The following TRAF3 variants were observed in gnomAD, a reference collection of about 807,000 sequenced individuals.
TRAF3 encodes the protein TNF receptor-associated factor 3.
A neutral mutation model predicts 62.3 loss-of-function variants in TRAF3; 13 were observed. That is an observed-to-expected ratio of 0.21 (90% confidence interval 0.14 to 0.33). The LOEUF (loss-of-function observed/expected upper bound fraction) is 0.33, where lower values mean the gene tolerates loss of function less well. TRAF3 is among the 10% of genes least tolerant of loss of function. TRAF3 has a pLI of 1.00. For synonymous variants in TRAF3, 269 were observed against 283.4 expected (o/e 0.95, Z 0.51); for missense variants, 440 against 741.8 (o/e 0.59, Z 4.73).
At chr14:102,886,358 T>A in intron 7 of TRAF3, 89 bp downstream of exon 7, 1 of 1,178,472 alleles carries the variant, frequency 8.5e-7, no homozygotes, top group Non-Finnish European at 1.2e-6. Context: ...AAGCCTCACG[T>A]TTTCCCAGTT....
At chr14:102,829,767 C>G (rs1900552024) in intron 1 of TRAF3, among the ~76,000 whole-genome samples, 1 of 152,182 alleles carries the variant, frequency 6.6e-6, no homozygotes, top group South Asian at 2.1e-4. Context: ...AAATGTCAAG[C>G]TTGTGAAAAT....
intron 3 of TRAF3, among the ~76,000 whole-genome samples, chr14:102,871,411 C>A (rs1888335646): frequency 6.6e-6 from 1 of 152,224 alleles, no homozygotes. Flanking sequence ...CCAGGAGAAG[C>A]TTCCCGGTGG....
At position 102,906,812 on chromosome 14, in the gene TRAF3, G is replaced by A. The variant is rs1339924621; in HGVS notation, c.*1028G>A. On this transcript the variant is annotated 3_prime_UTR_variant, in exon 12 of 12. Coordinates refer to ENST00000392745, the MANE Select transcript of TRAF3 (RefSeq NM_145725.3). ...GGTGACTGCTGAGGGAGGCCCGCAG[G>A]TGTGTTTCTCCATCCCGTCATCTTG... 1 of 152,230 alleles carries A rather than the reference G, an allele frequency of 6.6e-6. No homozygotes were observed. Among genetic ancestry groups the A allele is most frequent in the Non-Finnish European group, 1.5e-5 (1 of 68,054 alleles). 9.4% of individuals were successfully genotyped at this position (152,230 alleles called of 1,614,324 possible). A position where few individuals can be genotyped will look rare whatever the true frequency, so the allele number is the denominator to read the frequency against.
chr14:102,785,397 AT>A (rs1211186830), intron 1 of TRAF3, among the ~76,000 whole-genome samples: 1 of 152,146 alleles, frequency 6.6e-6, no homozygotes, highest in East Asian at 1.9e-4. Flanking sequence ...CCCTAACCTG[AT>A]TTGCTAATGT....
chr14:102,899,370 C>T (rs2139983682), intron 10 of TRAF3, among the ~76,000 whole-genome samples: 1 of 152,314 alleles, frequency 6.6e-6, no homozygotes. Context: ...TCTTGAGCAG[C>T]AGCCCAGCTC....
intron 2 of TRAF3, among the ~76,000 whole-genome samples, chr14:102,840,863 A>C (rs1415773527): frequency 6.6e-6 from 1 of 152,210 alleles, no homozygotes; most frequent in Non-Finnish European, 1.5e-5. Context: ...GTTCCTTGAA[A>C]TAAGGGGAAC....
Position 102,903,178 on chromosome 14 carries a change from CTGTA to C in TRAF3, c.961-75_961-72del. On this transcript the variant is annotated intron_variant, in intron 10 of 11. Transcript: ENST00000392745. This position sits in a 1 kb window ranked among gnomAD's most constrained non-coding sequence, Gnocchi z 6.4. ...TCTGACTGTTCTGCTCCTAGCCTGT[CTGTA>C]TTTGATGGAAGGTGGTGCAGCATTT... The C allele has an allele frequency of 6.3e-7, 1 of 1,599,932 alleles. No homozygotes were observed. Among genetic ancestry groups the C allele is most frequent in the Non-Finnish European group, 8.6e-7 (1 of 1,167,680 alleles).
chr14:102,890,433 A>G (rs1889644147), intron 8 of TRAF3, among the ~76,000 whole-genome samples: 1 of 152,224 alleles, frequency 6.6e-6, no homozygotes, highest in Admixed American at 6.5e-5. Flanking sequence ...AAGAGTAAGA[A>G]TGACTGTGCC....
intron 1 of TRAF3, among the ~76,000 whole-genome samples, chr14:102,789,506 G>A (rs967359323): frequency 1.3e-5 from 2 of 152,028 alleles, no homozygotes; most frequent in Non-Finnish European, 2.9e-5. Context: ...TATGGGTAAT[G>A]TGCCGACGTC....
In TRAF3 at chr14:102,870,230, C is replaced by T. The variant is rs542494294; in HGVS notation, c.29C>T (p.Pro10Leu). The T allele has an allele frequency of 1.9e-6, 3 of 1,614,110 alleles. No homozygotes were observed. In the East Asian group the frequency reaches 6.7e-5, roughly 36 times the overall value. The part of the protein sequence containing the change: MESSKKMDS[P>L]GALQTNPPLK... ...GAGTCGAGTAAAAAGATGGACTCTCCTGGCGCGCTGCAGACTAACCCGCCG... is the reference window on the plus strand; with the variant it reads ...GAGTCGAGTAAAAAGATGGACTCTCTTGGCGCGCTGCAGACTAACCCGCCG... Residue 10 changes from proline (P) to leucine (L), a missense_variant, in exon 3 of 12, where the codon CCT (proline) becomes CTT (leucine). By Grantham distance (98) the Pro-to-Leu change is moderately conservative. Around this residue, in one of 6 missense-constraint regions of TRAF3, gnomAD observed 40 missense variants for 38.3 expected, o/e 1.05. Transcript: ENST00000392745.
chr14:102,832,863 AT>A (rs1885732270), intron 2 of TRAF3, among the ~76,000 whole-genome samples: 1 of 152,122 alleles, frequency 6.6e-6, no homozygotes, highest in Non-Finnish European at 1.5e-5. Context: ...TGTTGAATTG[AT>A]GTTTAATACT....
intron 1 of TRAF3, among the ~76,000 whole-genome samples, chr14:102,829,210 A>G (rs1484568733): frequency 6.6e-6 from 1 of 152,216 alleles, no homozygotes; most frequent in Non-Finnish European, 1.5e-5. Context: ...TGTTGGGGTT[A>G]CCATGGCAAC....
At chr14:102,876,252 G>C in intron 5 of TRAF3, 106 bp from the exon 6 acceptor site, 1 of 1,269,520 alleles carries the variant, frequency 7.9e-7, no homozygotes, top group Non-Finnish European at 1.1e-6. Context: ...TCTAACAGCA[G>C]ATGAGAAACA....
intron 1 of TRAF3, among the ~76,000 whole-genome samples, chr14:102,797,543 A>C (rs1595293672): frequency 6.6e-6 from 1 of 152,110 alleles, no homozygotes; most frequent in Non-Finnish European, 1.5e-5. Context: ...TTGCAGGAGG[A>C]GTTAGAGACC....
chr14:102,841,524 T>C (rs1183556141), intron 2 of TRAF3, among the ~76,000 whole-genome samples: 40 of 152,226 alleles, frequency 2.6e-4, no homozygotes, highest in Admixed American at 2.6e-3. Flanking sequence ...TCAGGACGAT[T>C]CCTCAGAAGG....
At chr14:102,898,967 A>T (rs1020362668) in intron 10 of TRAF3, among the ~76,000 whole-genome samples, 9 of 152,160 alleles carry the variant, frequency 5.9e-5, no homozygotes, top group African/African-American at 2.2e-4. Context: ...GTAGAAGGTG[A>T]TGGCGCACCT....
intron 2 of TRAF3, among the ~76,000 whole-genome samples, chr14:102,835,516 C>T (rs772332132): frequency 7.2e-5 from 11 of 152,150 alleles, no homozygotes; most frequent in Non-Finnish European, 1.0e-4. Context: ...CTGTCAGTGG[C>T]AGATTGGATA....
chr14:102,898,743 A>T lies in TRAF3; in HGVS notation c.960+1342A>T, dbSNP rs371554980. Among the ~76,000 whole-genome samples the T allele has an allele frequency of 7.9e-5, 12 of 152,352 alleles. No homozygotes were observed. In the East Asian group the frequency reaches 1.9e-3, roughly 24 times the overall value. On this transcript the variant is annotated intron_variant, in intron 10 of 11. Transcript: ENST00000392745. ...TCACATTTCCTCTGCATTCATCTTC[A>T]GTTTCTCCCCTTCCAGTCAGGTGTT...
intron 1 of TRAF3, among the ~76,000 whole-genome samples, chr14:102,821,656 AGTGTGT>A (rs922080469): frequency 1.3e-5 from 2 of 152,180 alleles, no homozygotes; most frequent in African/African-American, 4.8e-5. Context: ...TTGATTTCTT[AGTGTGT>A]GTGTATCAGT....
Sources: allele counts gnomAD v4.1 joint callset (sites outside exome capture counted in the v4.1 genomes callset), GRCh38; gene constraint gnomAD v4.1.1; regional missense constraint gnomAD v4.1.1; non-coding constraint Gnocchi (gnomAD v3.1); transcripts MANE v1.5; gene names NCBI Gene and HGNC (gene_info 2026-07-23, HGNC 2026-07-21).